Variants in CREM observed in about 807,000 individuals in gnomAD.
CREM encodes cAMP responsive element modulator.
A neutral mutation model predicts 37.3 loss-of-function variants in CREM; 13 were observed. The ratio of observed to expected loss-of-function variants is 0.35; its 90% CI spans 0.23 to 0.55. CREM has a LOEUF of 0.55. Ranked by LOEUF, CREM falls within the 20% of genes least tolerant of loss-of-function variation. CREM has a pLI of 0.88. For synonymous variants in CREM, 124 were observed against 120.2 expected (o/e 1.03, Z -0.21); for missense variants, 296 against 362.3 (o/e 0.82, Z 1.49).
At chr10:35,130,975 C>T (rs1284419382) in intron 1 of CREM, among the ~76,000 whole-genome samples, 3 of 152,234 alleles carry the variant, frequency 2.0e-5, no homozygotes, top group Admixed American at 6.5e-5. Flanking sequence ...TTACTGGCAA[C>T]GTGTGTGTGA....
At chr10:35,173,926 C>T (rs375591164) in intron 3 of CREM, among the ~76,000 whole-genome samples, 16 of 152,306 alleles carry the variant, frequency 1.1e-4, no homozygotes, top group East Asian at 7.7e-4. Flanking sequence ...AAAGAGTTAT[C>T]TTTTGAGAGT....
chr10:35,144,700 A>AT (rs1217297198), intron 2 of CREM, among the ~76,000 whole-genome samples: 1 of 151,916 alleles, frequency 6.6e-6, no homozygotes, highest in Non-Finnish European at 1.5e-5. Context: ...TATCTCAAAA[A>AT]TTGAGGCCTG....
intron 6 of CREM, among the ~76,000 whole-genome samples, chr10:35,197,974 A>C (rs2095262683): frequency 6.6e-6 from 1 of 152,138 alleles, no homozygotes; most frequent in Non-Finnish European, 1.5e-5. Context: ...GTGTGTATGT[A>C]CCCTACATTT....
chr10:35,137,734 A>T, intron 1 of CREM, 48 bp from the exon 2 acceptor site: 1 of 761,632 alleles, frequency 1.3e-6, no homozygotes, highest in Non-Finnish European at 2.0e-6. Context: ...AGAGTTTTTG[A>T]AGTGAAATGT....
intron 7 of CREM, among the ~76,000 whole-genome samples, chr10:35,207,469 A>G (rs1024929789): frequency 1.3e-5 from 2 of 150,408 alleles, no homozygotes; most frequent in African/African-American, 4.9e-5. Context: ...AATAAATAAA[A>G]ATAAAAATAA....
At chr10:35,155,982 C>T (rs1211052321) in intron 3 of CREM, among the ~76,000 whole-genome samples, 1 of 148,782 alleles carries the variant, frequency 6.7e-6, no homozygotes, top group African/African-American at 2.5e-5. Context: ...CCCTGTTGCC[C>T]AGGCTGGAGT....
intron 3 of CREM, among the ~76,000 whole-genome samples, chr10:35,166,423 T>C (rs1267591367): frequency 6.6e-6 from 1 of 152,002 alleles, no homozygotes; most frequent in Non-Finnish European, 1.5e-5. Context: ...TAACTGGGTG[T>C]GGTGACAGGC....
intron 6 of CREM, among the ~76,000 whole-genome samples, chr10:35,189,055 A>AT (rs2133753701): frequency 1.3e-5 from 2 of 152,194 alleles, no homozygotes; most frequent in South Asian, 4.1e-4. Flanking sequence ...CTATTACCTA[A>AT]TCTATGACAA....
rs1204662308 is a variant in CREM, at chr10:35,178,877, CT to C, written c.169-10del. 5 of 1,591,428 alleles carry C rather than the reference CT, an allele frequency of 3.1e-6. No individual in the cohort carries two copies. Among genetic ancestry groups the C allele is most frequent in the Non-Finnish European group, 3.4e-6 (4 of 1,167,420 alleles). On this transcript the variant is annotated splice_polypyrimidine_tract_variant and intron_variant, in intron 3 of 7. Transcript: ENST00000685392. ...TATTTTATGATACATTTCAGAAAAT[CT>C]TGTATTATAGGTAGCAGCAATTGCA...
intron 3 of CREM, among the ~76,000 whole-genome samples, chr10:35,172,216 T>C (rs2093854365): frequency 6.6e-6 from 1 of 152,208 alleles, no homozygotes; most frequent in Non-Finnish European, 1.5e-5. Context: ...GGTTACTGGA[T>C]ATGTTTATTT....
intron 5 of CREM, chr10:35,179,910 T>C (rs948468276): frequency 7.9e-5 from 12 of 152,346 alleles, no homozygotes; most frequent in Admixed American, 7.2e-4. Flanking sequence ...GCACTAGTTT[T>C]TTTCCCAAAA....
intron 1 of CREM, among the ~76,000 whole-genome samples, chr10:35,136,376 G>T (rs1024770801): frequency 2.2e-4 from 33 of 152,134 alleles, no homozygotes; most frequent in Non-Finnish European, 3.2e-4. Flanking sequence ...AGTATGAGGG[G>T]GTGGCATCTA....
At chr10:35,163,115 A>T (rs1341387685) in intron 3 of CREM, among the ~76,000 whole-genome samples, 1 of 151,932 alleles carries the variant, frequency 6.6e-6, no homozygotes, top group Non-Finnish European at 1.5e-5. Flanking sequence ...CTAAGATGGG[A>T]GGATCTCTTG....
chr10:35,159,546 C>T (rs1589647957), intron 3 of CREM, among the ~76,000 whole-genome samples: 1 of 152,058 alleles, frequency 6.6e-6, no homozygotes, highest in South Asian at 2.1e-4. Context: ...GAAATTAGGC[C>T]CTTGTCTCTC....
intron 7 of CREM, among the ~76,000 whole-genome samples, chr10:35,208,931 T>C (rs1270881085): frequency 6.6e-6 from 1 of 152,232 alleles, no homozygotes; most frequent in Admixed American, 6.5e-5. Flanking sequence ...TTTAGCAGAT[T>C]TTAAGTGCTT....
At chr10:35,161,010 TTTA>T (rs1449213691) in intron 3 of CREM, among the ~76,000 whole-genome samples, 4 of 152,194 alleles carry the variant, frequency 2.6e-5, no homozygotes, top group Non-Finnish European at 5.9e-5. Flanking sequence ...CTGAGGCTGT[TTTA>T]CAGTTAACTT....
chr10:35,175,797 A>G, intron 3 of CREM: 2 of 1,613,356 alleles, frequency 1.2e-6, no homozygotes, highest in South Asian at 1.1e-5. Context: ...TAAAAATAGC[A>G]AAAACAATAA....
At chr10:35,150,766 A>G (rs1268312652) in intron 3 of CREM, among the ~76,000 whole-genome samples, 5 of 152,252 alleles carry the variant, frequency 3.3e-5, no homozygotes, top group Non-Finnish European at 7.4e-5. Flanking sequence ...GGTTGCAGTG[A>G]GCCAAGTTGG....
chr10:35,191,543 C>A (rs1202499489), intron 6 of CREM, among the ~76,000 whole-genome samples: 1 of 152,152 alleles, frequency 6.6e-6, no homozygotes, highest in African/African-American at 2.4e-5. Context: ...TCCCTGCCCT[C>A]CTTCTCCCTT....
Sources: allele counts gnomAD v4.1 joint callset (sites outside exome capture counted in the v4.1 genomes callset), GRCh38; gene constraint gnomAD v4.1.1; transcripts MANE v1.5; gene names NCBI Gene and HGNC (gene_info 2026-07-23, HGNC 2026-07-21).